Variants in STK32B observed in about 807,000 individuals in gnomAD.
STK32B encodes the protein serine/threonine kinase 32B, also known as serine/threonine-protein kinase 32B.
A neutral mutation model predicts 52.6 loss-of-function variants in STK32B; 43 were observed. The observed-to-expected ratio is 0.82, with a 90% CI of 0.64 to 1.05. The LOEUF is 1.05. Among genes scored for constraint, STK32B ranks in the 50% least tolerant of loss-of-function variants. The pLI is 0.00. For synonymous variants in STK32B, 238 were observed against 204.3 expected, an observed-to-expected ratio of 1.17 and a Z score of -1.41; for missense variants, 621 against 534.6, an observed-to-expected ratio of 1.16 and a Z score of -1.59.
chr4:5,234,293 A>G (rs1724478745), intron 3 of STK32B, among the ~76,000 whole-genome samples: 2 of 152,236 alleles, frequency 1.3e-5, no homozygotes, highest in Admixed American at 1.3e-4. Flanking sequence ...ATAATGAATA[A>G]TAATTATGTC....
chr4:5,310,079 T>G (rs1226174904), intron 3 of STK32B, among the ~76,000 whole-genome samples: 1 of 152,032 alleles, frequency 6.6e-6, no homozygotes, highest in East Asian at 1.9e-4. Context: ...GGCAGGAGAA[T>G]CGCTTGAACC....
intron 6 of STK32B, among the ~76,000 whole-genome samples, chr4:5,431,507 G>C (rs993867961): frequency 2.4e-5 from 2 of 84,988 alleles, no homozygotes; most frequent in African/African-American, 1.3e-4. Context: ...ACTTCCAAAA[G>C]TCCTTTTTTT....
At chr4:5,493,106 G>A (rs1248097272) in intron 11 of STK32B, among the ~76,000 whole-genome samples, 2 of 151,418 alleles carry the variant, frequency 1.3e-5, no homozygotes, top group Non-Finnish European at 2.9e-5. Flanking sequence ...AATGAGTTAG[G>A]GAGGATTCCC....
At chr4:5,487,204 A>T (rs1202723204) in intron 11 of STK32B, among the ~76,000 whole-genome samples, 1 of 152,150 alleles carries the variant, frequency 6.6e-6, no homozygotes, top group Non-Finnish European at 1.5e-5. Context: ...CAGGGACCCA[A>T]ACCACAGTAA....
At chr4:5,366,470 T>C (rs530059414) in intron 4 of STK32B, among the ~76,000 whole-genome samples, 1 of 152,342 alleles carries the variant, frequency 6.6e-6, no homozygotes, top group African/African-American at 2.4e-5. Context: ...TCCTGGATAC[T>C]CATTTTTTTC....
At position 5,184,415 on chromosome 4, in the gene STK32B, A is replaced by T. The variant is rs989454613; in HGVS notation, c.260+15965A>T. Among the ~76,000 whole-genome samples, 7 of 152,280 alleles carry T rather than the reference A, an allele frequency of 4.6e-5. No homozygotes were observed. In the East Asian group the frequency reaches 1.4e-3, roughly 29 times the overall value. On this transcript the variant is annotated intron_variant, in intron 3 of 11. Transcript: ENST00000282908. Reference sequence around the variant, plus strand: ...GCTCATGATGCCCCAAAACAATTGTAGTAGTAATATCAAAGATTATTGATC... The same window carrying T: ...GCTCATGATGCCCCAAAACAATTGTTGTAGTAATATCAAAGATTATTGATC...
chr4:5,168,313 G>T lies in STK32B; in HGVS notation c.123G>T (p.Gln41His). The change falls in exon 3 of 12, where the codon CAG (glutamine) becomes CAT (histidine). Residue 41 changes from glutamine to histidine, a missense_variant. Coordinates refer to ENST00000282908, the MANE Select transcript of STK32B (RefSeq NM_018401.3). ...CTGTCGCTCAGGTATGCATCGTGCA[G>T]AAGCGAGACACTAAGAAAATGTATG... ...KGSFGKVCIVQKRDTKKMYAM... is the reference protein window; with the variant it reads ...KGSFGKVCIVHKRDTKKMYAM... 1.2e-6 allele frequency: 2 copies of T among 1,613,902 alleles called. No individual in the cohort carries two copies. Among genetic ancestry groups the T allele is most frequent in the Non-Finnish European group, 1.7e-6 (2 of 1,179,940 alleles).
chr4:5,221,642 C>G (rs1323208292), intron 3 of STK32B, among the ~76,000 whole-genome samples: 4 of 151,974 alleles, frequency 2.6e-5, no homozygotes, highest in Non-Finnish European at 5.9e-5. Context: ...CTCAAAAATT[C>G]AGGTGTTGTT....
chr4:5,149,881 C>G (rs1717205334), intron 2 of STK32B, among the ~76,000 whole-genome samples: 1 of 151,736 alleles, frequency 6.6e-6, no homozygotes. Context: ...TGAGGAATTT[C>G]CTTTAGTATT....
intron 4 of STK32B, among the ~76,000 whole-genome samples, chr4:5,397,334 A>G (rs11940345): frequency 0.023 from 3,543 of 152,262 alleles, 113 homozygotes; most frequent in East Asian, 0.083. Flanking sequence ...TCATTCCTCC[A>G]TCCTTATACT....
intron 6 of STK32B, among the ~76,000 whole-genome samples, chr4:5,421,513 C>T (rs1173780483): frequency 6.6e-6 from 1 of 152,244 alleles, no homozygotes; most frequent in Middle Eastern, 3.2e-3. Context: ...GCATGAGCCA[C>T]CACACCTGGC....
At chr4:5,132,417 C>T (rs891616178) in intron 1 of STK32B, among the ~76,000 whole-genome samples, 5 of 152,166 alleles carry the variant, frequency 3.3e-5, no homozygotes, top group Admixed American at 6.5e-5. Context: ...ATAATCTATA[C>T]ACCAATGCCC....
At chr4:5,200,976 A>G (rs1238171590) in intron 3 of STK32B, among the ~76,000 whole-genome samples, 2 of 152,182 alleles carry the variant, frequency 1.3e-5, no homozygotes, top group African/African-American at 4.8e-5. Context: ...GGATGGGCGG[A>G]GGAAGCAGAG....
chr4:5,405,509 C>T (rs906048595), intron 5 of STK32B, among the ~76,000 whole-genome samples: 10 of 152,134 alleles, frequency 6.6e-5, no homozygotes, highest in African/African-American at 2.4e-4. Context: ...AGTCCATTCT[C>T]ACACTGCTGT....
intron 2 of STK32B, among the ~76,000 whole-genome samples, chr4:5,151,857 C>G (rs1717392200): frequency 6.6e-6 from 1 of 152,130 alleles, no homozygotes; most frequent in African/African-American, 2.4e-5. Flanking sequence ...CTCCAGCATG[C>G]TTTTGGATCC....
intron 1 of STK32B, among the ~76,000 whole-genome samples, chr4:5,062,242 C>T (rs1019824414): frequency 6.6e-6 from 1 of 152,156 alleles, no homozygotes; most frequent in Non-Finnish European, 1.5e-5. Context: ...TCGATGATAA[C>T]ATATTCCTCA....
intron 5 of STK32B, among the ~76,000 whole-genome samples, chr4:5,403,433 C>A (rs1737447575): frequency 6.6e-6 from 1 of 152,186 alleles, no homozygotes; most frequent in South Asian, 2.1e-4. Flanking sequence ...TTTCCCCACT[C>A]CCCATCCTCC....
At chr4:5,059,602 C>T (rs918815449) in intron 1 of STK32B, among the ~76,000 whole-genome samples, 3 of 152,138 alleles carry the variant, frequency 2.0e-5, no homozygotes, top group Non-Finnish European at 4.4e-5. Context: ...GATTTGCCAA[C>T]GTTTTGTTTA....
chr4:5,165,720 G>C (rs1015313999), intron 2 of STK32B, among the ~76,000 whole-genome samples: 2 of 152,156 alleles, frequency 1.3e-5, no homozygotes, highest in Admixed American at 1.3e-4. Flanking sequence ...ACAAAGCCAG[G>C]ACCCCTGAGG....
Sources: gnomAD v4.1 joint callset for allele counts (sites outside exome capture counted in the v4.1 genomes callset) on GRCh38, gnomAD v4.1.1 for gene constraint, MANE v1.5 for transcripts, NCBI Gene and HGNC (gene_info 2026-07-23, HGNC 2026-07-21) for gene names.